PAPPA2: variants seen among roughly 807,000 people sequenced by gnomAD.
The protein encoded by PAPPA2 is pappalysin 2, also known as pappalysin-2.
In PAPPA2, 86 loss-of-function variants were observed where a neutral mutation model predicts 176.4. The observed-to-expected ratio is 0.49, with a 90% CI of 0.41 to 0.58. PAPPA2 has a LOEUF of 0.58. Among genes scored for constraint, PAPPA2 ranks in the 20% least tolerant of loss-of-function variants. The pLI, the probability that PAPPA2 is intolerant of heterozygous loss-of-function variation, is 0.00. For synonymous variants in PAPPA2, 809 were observed against 852.2 expected, an observed-to-expected ratio of 0.95 and a Z score of 0.88; for missense variants, 2,073 against 2,256.9, an observed-to-expected ratio of 0.92 and a Z score of 1.65.
At chr1:176,637,713 A>G (rs571318629) in intron 3 of PAPPA2, among the ~76,000 whole-genome samples, 3 of 152,080 alleles carry the variant, frequency 2.0e-5, no homozygotes, top group Non-Finnish European at 4.4e-5. Context: ...TTCTTATTCT[A>G]TGTTTTGCAT....
intron 1 of PAPPA2, among the ~76,000 whole-genome samples, chr1:176,524,850 C>T (rs1649399995): frequency 6.6e-6 from 1 of 151,984 alleles, no homozygotes; most frequent in Admixed American, 6.6e-5. Context: ...GATGAAACCC[C>T]GTCTCTACTA....
chr1:176,536,382 T>C (rs1650068399), intron 1 of PAPPA2, among the ~76,000 whole-genome samples: 1 of 152,204 alleles, frequency 6.6e-6, no homozygotes, highest in South Asian at 2.1e-4. Context: ...GCCACAATCA[T>C]GCTACATAAC....
intron 1 of PAPPA2, among the ~76,000 whole-genome samples, chr1:176,534,185 G>T (rs1252822840): frequency 6.6e-6 from 1 of 152,194 alleles, no homozygotes; most frequent in Non-Finnish European, 1.5e-5. Context: ...GGGAAAAGTA[G>T]CTTCTGTCAG....
chr1:176,654,040 A>G (rs1004419706), intron 3 of PAPPA2, among the ~76,000 whole-genome samples: 3 of 151,738 alleles, frequency 2.0e-5, no homozygotes, highest in South Asian at 2.1e-4. Flanking sequence ...ACTGTGCAGA[A>G]GCTTTTTAGT....
intron 3 of PAPPA2, among the ~76,000 whole-genome samples, chr1:176,611,163 C>G (rs1654902159): frequency 6.6e-6 from 1 of 152,082 alleles, no homozygotes; most frequent in Admixed American, 6.6e-5. Flanking sequence ...TAGAAGGACT[C>G]AATCTGGGAG....
At chr1:176,539,105 A>G (rs536165185) in intron 1 of PAPPA2, among the ~76,000 whole-genome samples, 2 of 152,260 alleles carry the variant, frequency 1.3e-5, no homozygotes, top group East Asian at 3.9e-4. Flanking sequence ...CTTCTGGATA[A>G]TCCCCTCACC....
intron 4 of PAPPA2, among the ~76,000 whole-genome samples, chr1:176,680,967 G>A (rs938406055): frequency 1.3e-5 from 2 of 152,170 alleles, no homozygotes; most frequent in African/African-American, 4.8e-5. Flanking sequence ...TGAGTGGATG[G>A]TGGTGCCAAG....
At position 176,843,761 on chromosome 1, in the gene PAPPA2, G is replaced by A. The variant is rs771882507; in HGVS notation, c.*1307G>A. On this transcript the variant is annotated 3_prime_UTR_variant, in exon 23 of 23. Transcript: ENST00000367662. ...AGAATGGAAGTGATCAGGGAGACTC[G>A]GTCCTTGTTCCAAGTCTCCAAAGAA... is the stretch of plus-strand genomic sequence containing the variant. The A allele has an allele frequency of 2.6e-5, 4 of 152,028 alleles. No homozygotes were observed. The highest frequency in any genetic ancestry group is 5.9e-5 in the Non-Finnish European group (4 of 68,010). The allele number at this position is 152,028 out of a possible 1,614,324, so 9.4% of individuals were successfully genotyped here.
chr1:176,590,863 T>G (rs190801668), intron 2 of PAPPA2, among the ~76,000 whole-genome samples: 4 of 152,278 alleles, frequency 2.6e-5, no homozygotes, highest in Non-Finnish European at 5.9e-5. Flanking sequence ...AATGATATCT[T>G]GGTTCTAGTG....
intron 3 of PAPPA2, among the ~76,000 whole-genome samples, chr1:176,669,450 G>A (rs986011826): frequency 1.1e-4 from 16 of 151,980 alleles, no homozygotes; most frequent in African/African-American, 3.9e-4. Flanking sequence ...TATAATAAAG[G>A]AGAAAATAAG....
intron 3 of PAPPA2, among the ~76,000 whole-genome samples, chr1:176,623,807 C>CT (rs746043564): frequency 0.081 from 3,828 of 47,228 alleles, 90 homozygotes; most frequent in East Asian, 0.11. Flanking sequence ...TTCTTTCTTT[C>CT]TTCTTTCTTT....
In PAPPA2 at chr1:176,795,130, C is replaced by A. The variant is rs144854649; in HGVS notation, c.5130+1461C>A. 3.2e-4 allele frequency among the ~76,000 whole-genome samples: 49 copies of A among 152,366 alleles called. No individual in the cohort carries two copies. The East Asian group carries it at 8.7e-3, about 27-fold the overall frequency. On this transcript the variant is annotated intron_variant, in intron 20 of 22. Transcript: ENST00000367662. ...TGTTGTCCAAGGCACCTGCACCCAG[C>A]AAGTGGGAGAAGCTCCCTCAGACTT...
At chr1:176,468,782 G>A (rs1326528167) in intron 1 of PAPPA2, among the ~76,000 whole-genome samples, 2 of 152,198 alleles carry the variant, frequency 1.3e-5, no homozygotes, top group East Asian at 3.8e-4. Flanking sequence ...CTCAAGAAGA[G>A]TTTCCCTGAC....
At chr1:176,671,507 A>G (rs1658996637) in intron 4 of PAPPA2, among the ~76,000 whole-genome samples, 1 of 152,128 alleles carries the variant, frequency 6.6e-6, no homozygotes, top group Non-Finnish European at 1.5e-5. Flanking sequence ...GGCTTCTTGT[A>G]TGGTGTGGAC....
intron 3 of PAPPA2, among the ~76,000 whole-genome samples, chr1:176,649,593 G>A (rs183838517): frequency 2.2e-4 from 33 of 150,978 alleles, no homozygotes; most frequent in African/African-American, 8.0e-4. Flanking sequence ...ATTTTGGTAT[G>A]TTGTATTTCC....
At chr1:176,531,496 C>G (rs968134935) in intron 1 of PAPPA2, among the ~76,000 whole-genome samples, 1 of 152,208 alleles carries the variant, frequency 6.6e-6, no homozygotes, top group Admixed American at 6.5e-5. Context: ...TGGGATAGCA[C>G]TGATGACTTT....
intron 15 of PAPPA2, among the ~76,000 whole-genome samples, chr1:176,768,952 A>G (rs1664098221): frequency 6.6e-6 from 1 of 152,196 alleles, no homozygotes; most frequent in Non-Finnish European, 1.5e-5. Context: ...AAAGTGGGCA[A>G]TTTGAGAGAA....
chr1:176,561,620 T>C (rs1651678696), intron 2 of PAPPA2, among the ~76,000 whole-genome samples: 1 of 152,220 alleles, frequency 6.6e-6, no homozygotes, highest in Non-Finnish European at 1.5e-5. Flanking sequence ...CCATTCTTTT[T>C]AGCCTGAGCA....
rs775729440 is a variant in PAPPA2, at chr1:176,740,114, C to T, written c.4069C>T (p.Leu1357=). The part of the protein sequence containing the change: ...SPRVGISAVA[L]RTSSRIGLSA... ...ACGGGTCGGCATCTCAGCTGTGGCTCTAAGGACATCCTCCCGCATTGGTCT... is the reference window on the plus strand; with the variant it reads ...ACGGGTCGGCATCTCAGCTGTGGCTTTAAGGACATCCTCCCGCATTGGTCT... The change falls in exon 14 of 23, where the codon CTA becomes TTA. Residue 1357 remains leucine, a synonymous_variant. Transcript: ENST00000367662. 9 of 1,613,790 alleles carry T rather than the reference C, an allele frequency of 5.6e-6. No homozygotes were observed. The highest frequency in any genetic ancestry group is 2.2e-5 in the East Asian group (1 of 44,882).
Sources: gnomAD v4.1 joint callset for allele counts (sites outside exome capture counted in the v4.1 genomes callset) on GRCh38, gnomAD v4.1.1 for gene constraint, MANE v1.5 for transcripts, NCBI Gene and HGNC (gene_info 2026-07-23, HGNC 2026-07-21) for gene names.